DYNC2LI1: variants seen among roughly 807,000 people sequenced by gnomAD.
The protein encoded by DYNC2LI1 is cytoplasmic dynein 2 light intermediate chain 1.
In DYNC2LI1, 45 loss-of-function variants were observed where a neutral mutation model predicts 51.9. That is an observed-to-expected ratio of 0.87 (90% CI 0.68 to 1.11). DYNC2LI1 has a LOEUF of 1.11. DYNC2LI1 is among the 50% of genes most tolerant of loss of function. The pLI, the probability that DYNC2LI1 is intolerant of heterozygous loss-of-function variation, is 0.00. For missense variants in DYNC2LI1, 490 were observed against 417.4 expected (o/e 1.17, Z -1.51); for synonymous variants, 130 against 137.8 (o/e 0.94, Z 0.40).
At chr2:43,823,983 G>T in the DYNC2LI1 span, 1 of 1,614,202 alleles carries the variant, frequency 6.2e-7, no homozygotes, top group Non-Finnish European at 8.5e-7. Context: ...GACCTACGCG[G>T]TCCTGGATAG....
chr2:43,811,509 A>G (rs1666478889), downstream of DYNC2LI1, among the ~76,000 whole-genome samples: 1 of 152,214 alleles, frequency 6.6e-6, no homozygotes, highest in African/African-American at 2.4e-5. Context: ...CAAAGTTACC[A>G]TAGTAACACT....
At chr2:43,814,982 T>C (rs1666722301), downstream of DYNC2LI1, among the ~76,000 whole-genome samples, 1 of 152,196 alleles carries the variant, frequency 6.6e-6, no homozygotes, top group African/African-American at 2.4e-5. Context: ...AAGACCTTAA[T>C]TTAACAGTTC....
At chr2:43,780,470 A>C (rs1673225272) in intron 2 of DYNC2LI1, among the ~76,000 whole-genome samples, 2 of 152,094 alleles carry the variant, frequency 1.3e-5, no homozygotes, top group South Asian at 4.1e-4. Flanking sequence ...TTTTTTCAAG[A>C]GGAGGGAGGT....
downstream of DYNC2LI1, among the ~76,000 whole-genome samples, chr2:43,814,953 T>C (rs1334263570): frequency 6.6e-6 from 1 of 152,228 alleles, no homozygotes. Flanking sequence ...TAGGCACAGC[T>C]TGGTGGCCTG....
chr2:43,779,112 A>G (rs963894582), intron 2 of DYNC2LI1, among the ~76,000 whole-genome samples: 2 of 152,088 alleles, frequency 1.3e-5, no homozygotes, highest in Non-Finnish European at 2.9e-5. Flanking sequence ...TAAAACAATT[A>G]GCCGGGTGTG....
At chr2:43,817,812 A>T in the DYNC2LI1 span, among the ~76,000 whole-genome samples, 40 of 151,902 alleles carry the variant, frequency 2.6e-4, no homozygotes, top group African/African-American at 9.0e-4. Flanking sequence ...CGGGAGGCTG[A>T]GGCAGGAAAA....
chr2:43,807,010 T>A (rs1666283949), intron 12 of DYNC2LI1, among the ~76,000 whole-genome samples: 1 of 152,238 alleles, frequency 6.6e-6, no homozygotes, highest in Non-Finnish European at 1.5e-5. Flanking sequence ...GACCTTAACA[T>A]AATTTTATGC....
the DYNC2LI1 span, among the ~76,000 whole-genome samples, chr2:43,816,972 A>C: frequency 6.6e-6 from 1 of 152,200 alleles, no homozygotes. Flanking sequence ...TTAAAAGAGA[A>C]GGGAGCCAAC....
chr2:43,796,296 A>G (rs1237972498), intron 7 of DYNC2LI1, among the ~76,000 whole-genome samples: 2 of 151,010 alleles, frequency 1.3e-5, no homozygotes, highest in Non-Finnish European at 2.9e-5. Flanking sequence ...TCACACCACT[A>G]TACTCCAGCC....
chr2:43,821,242 A>G, the DYNC2LI1 span, among the ~76,000 whole-genome samples: 1 of 152,186 alleles, frequency 6.6e-6, no homozygotes, highest in South Asian at 2.1e-4. Flanking sequence ...TGTTTAAAAC[A>G]TCCTCTTGCC....
At chr2:43,786,492 T>A (rs932146196) in intron 3 of DYNC2LI1, among the ~76,000 whole-genome samples, 5 of 152,098 alleles carry the variant, frequency 3.3e-5, no homozygotes, top group African/African-American at 1.2e-4. Context: ...AAGTCTTGCA[T>A]TGATGTTTTA....
the DYNC2LI1 span, among the ~76,000 whole-genome samples, chr2:43,816,959 T>C: frequency 6.6e-6 from 1 of 152,130 alleles, no homozygotes; most frequent in Non-Finnish European, 1.5e-5. Flanking sequence ...ATTTCCTTTG[T>C]GTTTAAAAGA....
intron 5 of DYNC2LI1, chr2:43,792,699 T>C (rs1293689660): frequency 2.6e-6 from 4 of 1,548,796 alleles, no homozygotes; most frequent in Non-Finnish European, 3.5e-6. Context: ...TCATCCCTAC[T>C]GCCTGTCTCT....
chr2:43,794,816 C>A, intron 6 of DYNC2LI1, 173 bp downstream of exon 6: 1 of 1,464,406 alleles, frequency 6.8e-7, no homozygotes, highest in South Asian at 1.5e-5. Context: ...AAGAGCAAAA[C>A]AAGGAAGAAG....
the DYNC2LI1 span, chr2:43,824,950 A>C: frequency 1.2e-6 from 2 of 1,614,076 alleles, no homozygotes; most frequent in Non-Finnish European, 1.7e-6. Flanking sequence ...TGAAGAAATC[A>C]AGCATTTCCG....
the DYNC2LI1 span, among the ~76,000 whole-genome samples, chr2:43,816,006 C>T: frequency 1.3e-5 from 2 of 151,846 alleles, no homozygotes; most frequent in East Asian, 3.9e-4. Context: ...TGGTGGCTGC[C>T]TAGTGGCTAG....
chr2:43,806,669 A>G (rs1308770417), intron 12 of DYNC2LI1, among the ~76,000 whole-genome samples: 1 of 152,212 alleles, frequency 6.6e-6, no homozygotes, highest in Non-Finnish European at 1.5e-5. Context: ...TATATTGTAT[A>G]ATGATCACTT....
intron 3 of DYNC2LI1, among the ~76,000 whole-genome samples, chr2:43,785,904 C>T (rs1462580643): frequency 6.6e-6 from 1 of 151,464 alleles, no homozygotes; most frequent in Non-Finnish European, 1.5e-5. Context: ...TACATAACAA[C>T]GTGAATAAAT....
chr2:43,781,088 C>T (rs1250644442), intron 2 of DYNC2LI1, among the ~76,000 whole-genome samples: 1 of 151,978 alleles, frequency 6.6e-6, no homozygotes, highest in African/African-American at 2.4e-5. Flanking sequence ...GATTTAAGGC[C>T]AGGCGTGGTG....
Sources: allele counts gnomAD v4.1 joint callset (sites outside exome capture counted in the v4.1 genomes callset), GRCh38; gene constraint gnomAD v4.1.1; transcripts MANE v1.5; gene names NCBI Gene and HGNC (gene_info 2026-07-23, HGNC 2026-07-21).